The following CCSER1 variants were observed in gnomAD, a reference collection of about 807,000 sequenced individuals.
The protein encoded by CCSER1 is coiled-coil serine rich protein 1, also known as serine-rich coiled-coil domain-containing protein 1.
Under a neutral mutation model 82.0 loss-of-function variants are expected in CCSER1, and 41 were observed. That is an observed-to-expected ratio of 0.50 (90% confidence interval 0.39 to 0.65). The LOEUF (loss-of-function observed/expected upper bound fraction) is 0.65, where lower values mean the gene tolerates loss of function less well. Ranked by LOEUF, CCSER1 falls within the 30% of genes least tolerant of loss-of-function variation. The pLI is 0.00. For missense variants in CCSER1, 1,119 were observed against 1,064.2 expected (o/e 1.05, Z -0.72); for synonymous variants, 414 against 383.9 (o/e 1.08, Z -0.92).
At chr4:91,021,310 A>G (rs1226403495) in intron 9 of CCSER1, among the ~76,000 whole-genome samples, 1 of 152,148 alleles carries the variant, frequency 6.6e-6, no homozygotes, top group Non-Finnish European at 1.5e-5. Context: ...ATATATGATA[A>G]AAAACAAGAA....
At chr4:90,431,572 T>G (rs1269271827) in intron 4 of CCSER1, among the ~76,000 whole-genome samples, 4 of 152,078 alleles carry the variant, frequency 2.6e-5, no homozygotes, top group African/African-American at 9.7e-5. Context: ...TACAACTAAA[T>G]GGAGATAAAA....
chr4:90,582,310 G>A (rs1266526386), intron 5 of CCSER1, among the ~76,000 whole-genome samples: 1 of 152,144 alleles, frequency 6.6e-6, no homozygotes, highest in African/African-American at 2.4e-5. Flanking sequence ...CAGGGTTTGA[G>A]TAACTCAGGT....
At chr4:90,189,355 T>C (rs1735200539) in intron 1 of CCSER1, among the ~76,000 whole-genome samples, 1 of 151,888 alleles carries the variant, frequency 6.6e-6, no homozygotes, top group African/African-American at 2.4e-5. Flanking sequence ...GTCAGGTCTT[T>C]GGATGGTTTA....
chr4:90,594,604 A>T (rs1376176930), intron 5 of CCSER1, among the ~76,000 whole-genome samples: 8 of 152,124 alleles, frequency 5.3e-5, no homozygotes, highest in Admixed American at 5.2e-4. Context: ...GCATTTCTTC[A>T]CTATATTATG....
intron 7 of CCSER1, among the ~76,000 whole-genome samples, chr4:90,768,804 A>C (rs1178803265): frequency 6.6e-6 from 1 of 152,196 alleles, no homozygotes; most frequent in Admixed American, 6.6e-5. Context: ...CTTAGCAAAG[A>C]GTTGAAGGTG....
rs182889286 is a variant in CCSER1, at chr4:90,401,178, C to T, written c.1603+1049C>T. Among the ~76,000 whole-genome samples the T allele has an allele frequency of 9.7e-3, 1,475 of 152,210 alleles. 21 individuals carry two copies. Among genetic ancestry groups the T allele is most frequent in the Middle Eastern group, 0.037 (11 of 294 alleles). On this transcript the variant is annotated intron_variant, in intron 4 of 10. Coordinates refer to ENST00000509176, the MANE Select transcript of CCSER1 (RefSeq NM_001145065.2). ...CAAGAAACTGCATTTAAAATTTTTTCGGTTGAATACCACTTTATGATAAAA... is the reference window on the plus strand; with the variant it reads ...CAAGAAACTGCATTTAAAATTTTTTTGGTTGAATACCACTTTATGATAAAA...
At chr4:91,171,120 G>A (rs1014487303) in intron 10 of CCSER1, among the ~76,000 whole-genome samples, 14 of 152,108 alleles carry the variant, frequency 9.2e-5, no homozygotes, top group African/African-American at 3.4e-4. Flanking sequence ...TATTTGCAAA[G>A]TAATCAGTAT....
intron 1 of CCSER1, among the ~76,000 whole-genome samples, chr4:90,227,733 G>A (rs1743471705): frequency 6.6e-6 from 1 of 152,202 alleles, no homozygotes; most frequent in Non-Finnish European, 1.5e-5. Flanking sequence ...ACTAGGGAGT[G>A]CCAGACAGTG....
At chr4:90,785,205 T>C (rs953739639) in intron 7 of CCSER1, among the ~76,000 whole-genome samples, 4 of 151,956 alleles carry the variant, frequency 2.6e-5, no homozygotes, top group African/African-American at 9.7e-5. Flanking sequence ...CCCAGCTAAT[T>C]TTTGTATTTT....
At chr4:90,223,019 T>C (rs1052788982) in intron 1 of CCSER1, among the ~76,000 whole-genome samples, 1 of 152,196 alleles carries the variant, frequency 6.6e-6, no homozygotes, top group African/African-American at 2.4e-5. Flanking sequence ...ATATATAGGT[T>C]CACGCATCCA....
intron 5 of CCSER1, among the ~76,000 whole-genome samples, chr4:90,491,727 G>T (rs963156829): frequency 6.6e-5 from 10 of 152,142 alleles, no homozygotes; most frequent in Non-Finnish European, 1.2e-4. Flanking sequence ...TTAGCATGAA[G>T]TGTTGTTGAA....
At chr4:90,935,110 G>A (rs1309888760) in intron 9 of CCSER1, among the ~76,000 whole-genome samples, 1 of 151,948 alleles carries the variant, frequency 6.6e-6, no homozygotes, top group Non-Finnish European at 1.5e-5. Flanking sequence ...AAGCAGCTAT[G>A]GCAACTCTTA....
intron 9 of CCSER1, among the ~76,000 whole-genome samples, chr4:90,999,742 C>T (rs1461518991): frequency 2.6e-5 from 4 of 151,818 alleles, no homozygotes; most frequent in Non-Finnish European, 4.4e-5. Flanking sequence ...TAATTAGGTC[C>T]CACTTGTCAA....
At chr4:90,979,208 AT>A (rs1269723264) in intron 9 of CCSER1, among the ~76,000 whole-genome samples, 1 of 151,396 alleles carries the variant, frequency 6.6e-6, no homozygotes, top group Non-Finnish European at 1.5e-5. Flanking sequence ...CATTTTAAAT[AT>A]TTTTTAAAGC....
intron 6 of CCSER1, among the ~76,000 whole-genome samples, chr4:90,640,613 A>G (rs1726321478): frequency 6.6e-6 from 1 of 152,144 alleles, no homozygotes; most frequent in African/African-American, 2.4e-5. Context: ...AATCTCCATT[A>G]TCCCCATAAT....
chr4:90,842,984 C>T (rs11725824), intron 8 of CCSER1, among the ~76,000 whole-genome samples: 86,040 of 151,950 alleles, frequency 0.57, 24,859 homozygotes, highest in Non-Finnish European at 0.63. Context: ...TGGCAGAGCA[C>T]ATGAAAGCCA....
chr4:91,596,983 G>C (rs970673611), intron 10 of CCSER1, among the ~76,000 whole-genome samples: 1 of 151,996 alleles, frequency 6.6e-6, no homozygotes, highest in Non-Finnish European at 1.5e-5. Context: ...GTGGGTCTTT[G>C]TTTTGTAGAA....
chr4:91,581,400 GA>G (rs1045996708), intron 10 of CCSER1, among the ~76,000 whole-genome samples: 1 of 151,702 alleles, frequency 6.6e-6, no homozygotes, highest in East Asian at 1.9e-4. Context: ...GGTTGTTGGG[GA>G]AAAAAATTGT....
At chr4:90,767,851 C>A (rs1268832686) in intron 7 of CCSER1, among the ~76,000 whole-genome samples, 1 of 151,148 alleles carries the variant, frequency 6.6e-6, no homozygotes, top group African/African-American at 2.4e-5. Flanking sequence ...TATTTTTTTG[C>A]CATGTTGCCC....
Sources: allele counts gnomAD v4.1 joint callset (sites outside exome capture counted in the v4.1 genomes callset), GRCh38; gene constraint gnomAD v4.1.1; transcripts MANE v1.5; gene names NCBI Gene and HGNC (gene_info 2026-07-23, HGNC 2026-07-21).